CD81: variants seen among roughly 807,000 people sequenced by gnomAD.
The protein encoded by CD81 is CD81 molecule, also known as CD81 antigen.
Under a neutral mutation model 30.1 loss-of-function variants are expected in CD81, and 10 were observed. The ratio of observed to expected loss-of-function variants is 0.33; its 90% CI spans 0.21 to 0.56. CD81 has a LOEUF of 0.56. Among genes scored for constraint, CD81 ranks in the 20% least tolerant of loss-of-function variants. The pLI is 0.89. For synonymous variants in CD81, 147 were observed against 126.4 expected, an observed-to-expected ratio of 1.16 and a Z score of -1.10; for missense variants, 263 against 308.7, an observed-to-expected ratio of 0.85 and a Z score of 1.11.
chr11:2,384,323 TGTCTC>T (rs1849750309), intron 1 of CD81, among the ~76,000 whole-genome samples: 1 of 41,008 alleles, frequency 2.4e-5, no homozygotes, highest in South Asian at 9.1e-4. Flanking sequence ...GGAGGCGGGG[TGTCTC>T]GGGAAGCGGG....
chr11:2,377,519 G>A lies in CD81; in HGVS notation c.-31G>A, dbSNP rs986762173. 23 of 1,259,340 alleles carry A rather than the reference G, an allele frequency of 1.8e-5. No homozygotes were observed. Among genetic ancestry groups the A allele is most frequent in the Non-Finnish European group, 2.4e-5 (23 of 968,508 alleles). 78.0% of individuals were successfully genotyped at this position (1,259,340 alleles called of 1,614,324 possible). On this transcript the variant is annotated 5_prime_UTR_variant, in exon 1 of 8. Transcript: ENST00000263645. The surrounding 1 kb of genome is among the most constrained non-coding windows in gnomAD (Gnocchi z 7.7). ...CGCCCGCCGCCCAGGACCGGCCCGC[G>A]CCCCGCAGGCCGCCCGCCGCCCGCG... is the stretch of plus-strand genomic sequence containing the variant.
At chr11:2,386,411 G>T in intron 1 of CD81, 1 of 649,638 alleles carries the variant, frequency 1.5e-6, no homozygotes. Flanking sequence ...TGGGGCAGGG[G>T]CACCTGTGCC....
At chr11:2,394,944 C>T in intron 3 of CD81, 28 bp from the exon 4 acceptor site, 1 of 1,607,706 alleles carries the variant, frequency 6.2e-7, no homozygotes, top group Non-Finnish European at 8.5e-7. Flanking sequence ...TGCCCTCTTT[C>T]CTCCCTCTGG....
intron 1 of CD81, chr11:2,389,998 G>C (rs1325060437): frequency 5.7e-6 from 2 of 349,614 alleles, no homozygotes; most frequent in Non-Finnish European, 1.1e-5. Flanking sequence ...AGATACGGAA[G>C]GTGAAACTAC....
intron 1 of CD81, chr11:2,386,702 C>G (rs1343336582): frequency 1.9e-5 from 13 of 699,230 alleles, no homozygotes; most frequent in South Asian, 1.0e-4. Flanking sequence ...AGGGTGGCTC[C>G]CGACTACTTC....
rs1170506140 is a variant in CD81 at position 2,377,996 on chromosome 11, C to A, written c.66+381C>A. The A allele has an allele frequency of 6.6e-6, 1 of 152,640 alleles. No homozygotes were observed. The highest frequency in any genetic ancestry group is 1.5e-5 in the Non-Finnish European group (1 of 68,522). The allele number at this position is 152,640 out of a possible 1,614,324, so 9.5% of individuals were successfully genotyped here. On this transcript the variant is annotated intron_variant, in intron 1 of 7. Coordinates refer to ENST00000263645, the MANE Select transcript of CD81 (RefSeq NM_004356.4). The surrounding 1 kb of genome is among the most constrained non-coding windows in gnomAD (Gnocchi z 7.7). The stretch of plus-strand genomic sequence containing the variant: ...CGGGTCCCTGGCCGCGGATTCCGGA[C>A]TGCTGCTTCGCGGGGACGAGGGGGG...
chr11:2,385,109 A>G (rs1849768774), intron 1 of CD81, among the ~76,000 whole-genome samples: 1 of 152,176 alleles, frequency 6.6e-6, no homozygotes, highest in African/African-American at 2.4e-5. Flanking sequence ...GTTAGCGCCA[A>G]GATGGCAGCC....
chr11:2,396,920 A>T lies in CD81; in HGVS notation c.*54A>T. The T allele has an allele frequency of 6.5e-7, 1 of 1,533,562 alleles. No individual in the cohort carries two copies. The highest frequency in any genetic ancestry group is 9.0e-7 in the Non-Finnish European group (1 of 1,111,026). 95.0% of individuals were successfully genotyped at this position (1,533,562 alleles called of 1,614,324 possible). A position where few individuals can be genotyped will look rare whatever the true frequency, so the allele number is the denominator to read the frequency against. On this transcript the variant is annotated 3_prime_UTR_variant, in exon 8 of 8. Transcript: ENST00000263645. ...CTGCAGTGCCCCCTAAGTGACCCGGACACTTCCGAGGGGGCCATCACCGCC... is the reference window on the plus strand; with the variant it reads ...CTGCAGTGCCCCCTAAGTGACCCGGTCACTTCCGAGGGGGCCATCACCGCC...
In CD81 at chr11:2,395,874, C is replaced by T; in HGVS notation, c.465C>T (p.Asp155=). Residue 155 remains aspartate, a synonymous_variant, in exon 6 of 8, where the codon GAC becomes GAT. Coordinates refer to ENST00000263645, the MANE Select transcript of CD81 (RefSeq NM_004356.4). ...TGCACCCCTGCTCTCTGCAGCTTGA[C>T]TGCTGTGGCTCCAGCACACTGACTG... ...AVVKTFHETL[D]CCGSSTLTAL... is the part of the protein sequence containing the mutation. 1 of 1,609,782 alleles carries T rather than the reference C, an allele frequency of 6.2e-7. No individual in the cohort carries two copies. The highest frequency in any genetic ancestry group is 1.1e-5 in the South Asian group (1 of 91,038).
At chr11:2,388,555 C>T (rs548019853) in intron 1 of CD81, among the ~76,000 whole-genome samples, 6 of 152,320 alleles carry the variant, frequency 3.9e-5, no homozygotes, top group East Asian at 3.9e-4. Flanking sequence ...TGCAGTTGAC[C>T]GGCAGCCCTG....
At chr11:2,392,111 A>G (rs901986563) in intron 2 of CD81, 7 of 152,134 alleles carry the variant, frequency 4.6e-5, no homozygotes, top group Non-Finnish European at 1.0e-4. Context: ...CCTGCCACCG[A>G]GTCCCCTTCT....
At chr11:2,379,095 C>G (rs941480249) in intron 1 of CD81, 5 of 451,116 alleles carry the variant, frequency 1.1e-5, no homozygotes, top group Admixed American at 2.4e-5. Flanking sequence ...AGGCCCGGCC[C>G]TGGGACCTCA....
chr11:2,379,634 C>G (rs1337897073), intron 1 of CD81, among the ~76,000 whole-genome samples: 1 of 152,042 alleles, frequency 6.6e-6, no homozygotes, highest in Admixed American at 6.5e-5. Context: ...TGGCAGCCCC[C>G]TGGGAGTGTC....
At chr11:2,386,478 C>G in intron 1 of CD81, 4 of 707,980 alleles carry the variant, frequency 5.6e-6, no homozygotes, top group Non-Finnish European at 1.1e-5. Flanking sequence ...TCGTAGGTGG[C>G]CCTAGGGGGG....
At chr11:2,384,003 G>A (rs1249668952) in intron 1 of CD81, among the ~76,000 whole-genome samples, 1 of 152,208 alleles carries the variant, frequency 6.6e-6, no homozygotes, top group Non-Finnish European at 1.5e-5. Context: ...ACCTAGGCCT[G>A]CCCGGGCAGC....
intron 1 of CD81, among the ~76,000 whole-genome samples, chr11:2,383,606 C>G (rs1247701738): frequency 6.6e-6 from 1 of 152,206 alleles, no homozygotes. Flanking sequence ...TGGGCACTTC[C>G]CGGTGTGTTT....
intron 1 of CD81, among the ~76,000 whole-genome samples, chr11:2,383,435 C>T (rs1420301473): frequency 2.6e-5 from 4 of 152,182 alleles, no homozygotes; most frequent in Non-Finnish European, 5.9e-5. Context: ...CGTTCACCTC[C>T]GGCCCCCAGC....
chr11:2,383,329 G>T (rs34438616), intron 1 of CD81, among the ~76,000 whole-genome samples: 1,927 of 152,158 alleles, frequency 0.013, 41 homozygotes, highest in African/African-American at 0.044. Flanking sequence ...GAGGAGTCTG[G>T]CCCCGTCCCC....
intron 1 of CD81, among the ~76,000 whole-genome samples, chr11:2,388,429 G>A (rs1849836028): frequency 6.7e-6 from 1 of 148,358 alleles, no homozygotes; most frequent in African/African-American, 2.7e-5. Flanking sequence ...ACGCTCTGCT[G>A]AGCACAGCCC....
Sources: allele counts gnomAD v4.1 joint callset (sites outside exome capture counted in the v4.1 genomes callset), GRCh38; gene constraint gnomAD v4.1.1; non-coding constraint Gnocchi (gnomAD v3.1); transcripts MANE v1.5; gene names NCBI Gene and HGNC (gene_info 2026-07-23, HGNC 2026-07-21).